Variants in FBRSL1 observed in about 807,000 individuals in gnomAD.
The protein encoded by FBRSL1 is fibrosin-1-like protein.
Under a neutral mutation model 89.6 loss-of-function variants are expected in FBRSL1, and 51 were observed. The ratio of observed to expected loss-of-function variants is 0.57; its 90% CI spans 0.45 to 0.72. The LOEUF is 0.72. FBRSL1 is among the 30% of genes least tolerant of loss of function. The pLI, the probability that FBRSL1 is intolerant of heterozygous loss-of-function variation, is 0.00. For synonymous variants in FBRSL1, 779 were observed against 681.1 expected, an observed-to-expected ratio of 1.14 and a Z score of -2.24; for missense variants, 1,618 against 1,451.8, an observed-to-expected ratio of 1.11 and a Z score of -1.86.
chr12:132,522,028 G>T (rs1462514612), intron 2 of FBRSL1, among the ~76,000 whole-genome samples: 2 of 152,140 alleles, frequency 1.3e-5, no homozygotes, highest in African/African-American at 4.8e-5. Context: ...TGTGTATGCA[G>T]CCAGCGTGGC....
intron 1 of FBRSL1, among the ~76,000 whole-genome samples, chr12:132,498,110 G>A (rs557222192): frequency 2.0e-5 from 3 of 152,300 alleles, no homozygotes; most frequent in East Asian, 3.9e-4. Flanking sequence ...GAGGGTGCCT[G>A]CTGTTTCTTT....
At chr12:132,513,553 C>A (rs1016354944) in intron 2 of FBRSL1, among the ~76,000 whole-genome samples, 2 of 152,220 alleles carry the variant, frequency 1.3e-5, no homozygotes, top group African/African-American at 4.8e-5. Flanking sequence ...CCTCTGGTCA[C>A]CTCTGTGGGG....
chr12:132,575,403 A>G (rs2040320305), intron 14 of FBRSL1, among the ~76,000 whole-genome samples: 1 of 151,964 alleles, frequency 6.6e-6, no homozygotes, highest in South Asian at 2.1e-4. Flanking sequence ...AATTTTTTGT[A>G]TTTTTTGTAG....
At chr12:132,571,268 CA>C in intron 9 of FBRSL1, 37 bp downstream of exon 9, 1 of 1,490,466 alleles carries the variant, frequency 6.7e-7, no homozygotes, top group Non-Finnish European at 9.0e-7. Context: ...AGCCCGCGGC[CA>C]ACGTGCCTCT....
At chr12:132,570,950 CAGCCCGGCCCAGG>C in intron 8 of FBRSL1, 105 bp from the exon 9 acceptor site, 3 of 687,376 alleles carry the variant, frequency 4.4e-6, no homozygotes, top group Non-Finnish European at 5.4e-6. Context: ...GGCTCCGAGT[CAGCCCGGCCCAGG>C]CTGGGGACGG....
intron 1 of FBRSL1, among the ~76,000 whole-genome samples, chr12:132,494,944 T>C (rs1487890105): frequency 6.6e-6 from 1 of 152,174 alleles, no homozygotes; most frequent in Non-Finnish European, 1.5e-5. Flanking sequence ...ACGGTTGTGC[T>C]TAAGAAACCC....
At chr12:132,511,497 A>G in intron 2 of FBRSL1, 2 of 985,626 alleles carry the variant, frequency 2.0e-6, no homozygotes, top group Non-Finnish European at 2.4e-6. Context: ...AAGGCACGCC[A>G]CTCGCCCAAA....
chr12:132,578,343 T>TCTCACACACACACACACACACACACA (rs147345475), intron 15 of FBRSL1, among the ~76,000 whole-genome samples: 66 of 141,110 alleles, frequency 4.7e-4, no homozygotes, highest in East Asian at 3.2e-3. Context: ...AGACCCTGTC[T>TCTCACACACACACACACACACACACA]CACACACACA....
At chr12:132,502,590 C>T (rs1343949187) in intron 1 of FBRSL1, among the ~76,000 whole-genome samples, 2 of 152,106 alleles carry the variant, frequency 1.3e-5, no homozygotes, top group Non-Finnish European at 2.9e-5. Context: ...AGGCTCAGCC[C>T]CTATCAGACG....
intron 2 of FBRSL1, chr12:132,509,588 C>G: frequency 8.1e-7 from 1 of 1,232,300 alleles, no homozygotes; most frequent in Non-Finnish European, 1.0e-6. Context: ...ACTGCCGGCG[C>G]CTGCGGTCCC....
chr12:132,496,140 C>T (rs1200584041), intron 1 of FBRSL1, among the ~76,000 whole-genome samples: 7 of 152,256 alleles, frequency 4.6e-5, no homozygotes, highest in Non-Finnish European at 1.0e-4. Context: ...GTGCCGGCTG[C>T]CCTTTGCCTG....
chr12:132,560,215 C>T (rs967507256), intron 5 of FBRSL1: 35 of 152,052 alleles, frequency 2.3e-4, no homozygotes, highest in African/African-American at 8.4e-4. Flanking sequence ...GGGCGACTGC[C>T]TGGGGCGCCG....
rs903138246 is a variant in FBRSL1 at position 132,490,335 on chromosome 12, C to T, written c.-236C>T. ...GAGGGCCGCTGAGCGCCGGGCCCGC[C>T]CCCGCCGATGCGCCCAGCCGCCCGC... On this transcript the variant is annotated 5_prime_UTR_variant, in exon 1 of 19. Transcript: ENST00000680143. 4 of 145,986 alleles carry T rather than the reference C, an allele frequency of 2.7e-5. No individual in the cohort carries two copies. The highest frequency in any genetic ancestry group is 6.0e-5 in the Non-Finnish European group (4 of 67,004). The allele number at this position is 145,986 out of a possible 1,614,324, so 9.0% of individuals were successfully genotyped here. A position where few individuals can be genotyped will look rare whatever the true frequency, so the allele number is the denominator to read the frequency against.
chr12:132,530,499 C>T (rs1316698237), intron 4 of FBRSL1, among the ~76,000 whole-genome samples: 1 of 151,734 alleles, frequency 6.6e-6, no homozygotes, highest in East Asian at 1.9e-4. Flanking sequence ...ACGTGGCCAC[C>T]TCCTGTGGCC....
At position 132,583,463 on chromosome 12, in the gene FBRSL1, G is replaced by A; in HGVS notation, c.2694G>A (p.Leu898=). 1 of 1,059,814 alleles carries A rather than the reference G, an allele frequency of 9.4e-7. No homozygotes were observed. The highest frequency in any genetic ancestry group is 1.1e-6 in the Non-Finnish European group (1 of 876,766). The allele number at this position is 1,059,814 out of a possible 1,614,324, so 65.7% of individuals were successfully genotyped here. A position where few individuals can be genotyped will look rare whatever the true frequency, so the allele number is the denominator to read the frequency against. ...CCCACGGCTACAGCCCCGAGCGCCT[G>A]CGCGGGGAGCTGGAGCGCGCGCGGG... The part of the protein sequence containing the change: ...REPHGYSPER[L]RGELERARAP... Residue 898 remains leucine, a synonymous_variant, in exon 19 of 19, where the codon CTG becomes CTA. Coordinates refer to ENST00000680143, the MANE Select transcript of FBRSL1 (RefSeq NM_001367871.1).
chr12:132,535,947 GAT>G (rs2036688480), intron 4 of FBRSL1, among the ~76,000 whole-genome samples: 2 of 122,226 alleles, frequency 1.6e-5, no homozygotes, highest in African/African-American at 2.6e-5. Context: ...ATGTGTCCAT[GAT>G]GGTGTGTGAG....
At position 132,582,066 on chromosome 12, in the gene FBRSL1, C is replaced by T. The variant is rs1268764362; in HGVS notation, c.2001C>T (p.Pro667=). 3.9e-6 allele frequency: 6 copies of T among 1,545,368 alleles called. No homozygotes were observed. The highest frequency in any genetic ancestry group is 1.7e-4 in the Middle Eastern group (1 of 5,752). ...CTCCCCGGCCTCTGCCCCCAGCTCC[C>T]GGTGGCAGCATCTTTGCCCCCAAGG... ...FGGLGSHALA[P]GGSIFAPKEG... Residue 667 remains proline, a synonymous_variant, in exon 18 of 19, where the codon CCC becomes CCT. Transcript: ENST00000680143.
At chr12:132,551,845 G>A (rs1593455617) in intron 5 of FBRSL1, 1 of 344,018 alleles carries the variant, frequency 2.9e-6, no homozygotes, top group African/African-American at 2.1e-5. Context: ...GAAAAGTGTG[G>A]GGTGAAGAGC....
intron 5 of FBRSL1, chr12:132,554,508 A>G (rs1427390787): frequency 1.3e-5 from 2 of 152,244 alleles, no homozygotes; most frequent in African/African-American, 4.8e-5. Context: ...ATGCATCTTA[A>G]TGCTTTTCTA....
Sources: gnomAD v4.1 joint callset for allele counts (sites outside exome capture counted in the v4.1 genomes callset) on GRCh38, gnomAD v4.1.1 for gene constraint, MANE v1.5 for transcripts, NCBI Gene and HGNC (gene_info 2026-07-23, HGNC 2026-07-21) for gene names.